The following SHOX variants were observed in gnomAD, a reference collection of about 807,000 sequenced individuals.
The protein encoded by SHOX is SHOX homeobox.
Under a neutral mutation model 29.6 loss-of-function variants are expected in SHOX, and 12 were observed. That is an observed-to-expected ratio of 0.41 (90% CI 0.26 to 0.66). The LOEUF (loss-of-function observed/expected upper bound fraction) is 0.66. SHOX is among the 30% of genes least tolerant of loss of function. SHOX has a pLI of 0.35. For missense variants in SHOX, 499 were observed against 437.7 expected (o/e 1.14, Z -1.25); for synonymous variants, 214 against 200.6 (o/e 1.07, Z -0.57).
In SHOX at chrX:644,331, G is replaced by T. The variant is rs2052924196; in HGVS notation, c.634-60G>T. The stretch of plus-strand genomic sequence containing the variant: ...CGTTGGAGGTTTCCGGGGGCGCGGG[G>T]CGGAGCAGGCCCCCCAGTCCCCATC... On this transcript the variant is annotated intron_variant, in intron 4 of 4. Coordinates refer to ENST00000686671, the MANE Select transcript of SHOX (RefSeq NM_000451.4). The T allele has an allele frequency of 2.0e-6, 3 of 1,466,002 alleles. No homozygotes were observed. The Admixed American group carries it at 7.5e-5, about 36-fold the overall frequency. The allele number at this position is 1,466,002 out of a possible 1,614,324, so 90.8% of individuals were successfully genotyped here. A position where few individuals can be genotyped will look rare whatever the true frequency, so the allele number is the denominator to read the frequency against.
At position 646,361 on chromosome X, in the gene SHOX, T is replaced by C. The variant is rs1168887656; in HGVS notation, c.*1725T>C. The C allele has an allele frequency of 2.6e-5, 4 of 152,064 alleles. No individual in the cohort carries two copies. The highest frequency in any genetic ancestry group is 4.4e-5 in the Non-Finnish European group (3 of 68,012). The allele number at this position is 152,064 out of a possible 1,614,324, so 9.4% of individuals were successfully genotyped here. A position where few individuals can be genotyped will look rare whatever the true frequency, so the allele number is the denominator to read the frequency against. ...CCTCCGAGAAGATCCATCTGCATGA[T>C]TGGCATTAGTTACCACAGCCTGCCC... On this transcript the variant is annotated 3_prime_UTR_variant, in exon 5 of 5. Coordinates refer to ENST00000686671, the MANE Select transcript of SHOX (RefSeq NM_000451.4).
downstream of SHOX, among the ~76,000 whole-genome samples, chrX:652,337 C>CA (rs1053198245): frequency 3.7e-5 from 4 of 108,136 alleles, no homozygotes; most frequent in African/African-American, 7.9e-5. Context: ...TTAAAAATGA[C>CA]AAATTTTTTT....
intron 3 of SHOX, 30 bp from the exon 4 acceptor site, chrX:640,969 C>G (rs775820893): frequency 2.5e-6 from 4 of 1,613,374 alleles, no homozygotes; most frequent in Non-Finnish European, 3.4e-6. Flanking sequence ...CCAGGACCAC[C>G]ACACTGACAC....
intron 1 of SHOX, among the ~76,000 whole-genome samples, chrX:633,768 C>G (rs1380159022): frequency 1.3e-5 from 2 of 152,090 alleles, no homozygotes; most frequent in South Asian, 2.1e-4. Flanking sequence ...GCCACTTCCA[C>G]CAGCCCTGGG....
chrX:635,354 G>C (rs1189312698), intron 2 of SHOX, among the ~76,000 whole-genome samples: 2 of 152,152 alleles, frequency 1.3e-5, no homozygotes, highest in Non-Finnish European at 1.5e-5. Context: ...CTTCCCGTGT[G>C]GCTGCATTGA....
chrX:644,263 C>T (rs1274875505), intron 4 of SHOX, 128 bp from the exon 5 acceptor site: 11 of 1,248,206 alleles, frequency 8.8e-6, no homozygotes, highest in Non-Finnish European at 1.2e-5. Context: ...GGGTGGTCTC[C>T]ACGGCTGGAG....
chrX:624,877 T>C (rs1292595162), intron 1 of SHOX, among the ~76,000 whole-genome samples: 4 of 72,868 alleles, frequency 5.5e-5, no homozygotes, highest in African/African-American at 3.9e-4. Flanking sequence ...TTTCTTTCTT[T>C]CTTTCTTTCT....
chrX:644,193 C>G (rs964109339), intron 4 of SHOX, 198 bp from the exon 5 acceptor site: 11 of 305,214 alleles, frequency 3.6e-5, no homozygotes, highest in Admixed American at 6.5e-5. Context: ...CCGGCTCCCG[C>G]GGATGCATCC....
upstream of SHOX, among the ~76,000 whole-genome samples, chrX:627,529 G>T (rs1423286656): frequency 6.6e-6 from 1 of 152,180 alleles, no homozygotes; most frequent in Non-Finnish European, 1.5e-5. Flanking sequence ...AGGAAAAGCG[G>T]GGTGTTGGAA....
At chrX:629,284 C>T (rs181979604), upstream of SHOX, among the ~76,000 whole-genome samples, 4,800 of 90,336 alleles carry the variant, frequency 0.053, 115 homozygotes, top group Middle Eastern at 0.13. Context: ...CATCTCTCTC[C>T]GTCTCTCCCT....
Position 640,808 on chromosome X carries a change from G to A in SHOX, c.487-13G>A. On this transcript the variant is annotated splice_polypyrimidine_tract_variant and intron_variant, in intron 2 of 4. Transcript: ENST00000686671. ...CACAGGGCTCTTCACATCTCTCTCT[G>A]CTTCTCCCCAAGGTTTGGTTCCAGA... 6.2e-7 allele frequency: 1 copy of A among 1,613,828 alleles called. No homozygotes were observed. Among genetic ancestry groups the A allele is most frequent in the Non-Finnish European group, 8.5e-7 (1 of 1,179,836 alleles).
chrX:639,630 G>A lies in SHOX; in HGVS notation c.487-1191G>A, dbSNP rs1209301418. The stretch of plus-strand genomic sequence containing the variant: ...TTCGACAGTCCACTTCCACTGGCTC[G>A]GAACTCACTTTTTCACCTTAAGTTC... On this transcript the variant is annotated intron_variant, in intron 2 of 4. Coordinates refer to ENST00000686671, the MANE Select transcript of SHOX (RefSeq NM_000451.4). Among the ~76,000 whole-genome samples the A allele has an allele frequency of 4.6e-5, 7 of 152,206 alleles. No individual in the cohort carries two copies. The South Asian group carries it at 1.0e-3, about 22-fold the overall frequency.
chrX:626,251 C>A (rs1294245476), upstream of SHOX, among the ~76,000 whole-genome samples: 97 of 145,782 alleles, frequency 6.7e-4, no homozygotes, highest in African/African-American at 2.4e-3. Flanking sequence ...TCTCTCTCTC[C>A]TCTCTCTCTG....
At chrX:629,151 TTC>T (rs1215279049), upstream of SHOX, among the ~76,000 whole-genome samples, 127 of 113,374 alleles carry the variant, frequency 1.1e-3, no homozygotes, top group Middle Eastern at 6.8e-3. Flanking sequence ...CCCTGTCTGT[TTC>T]TCTCTCTCCA....
intron 1 of SHOX, chrX:624,652 TCTTTC>T: frequency 1.3e-5 from 2 of 151,940 alleles, no homozygotes; most frequent in East Asian, 3.9e-4. Context: ...AGCTTTGCCT[TCTTTC>T]CTTTCTTCGT....
intron 1 of SHOX, among the ~76,000 whole-genome samples, chrX:633,075 T>C (rs985641272): frequency 2.2e-4 from 33 of 152,134 alleles, no homozygotes; most frequent in African/African-American, 7.7e-4. Context: ...CGTTACATTT[T>C]CCCCTTGGCT....
In SHOX at chrX:640,894, G is replaced by C. The variant is rs1569494649; in HGVS notation, c.544+16G>C. On this transcript the variant is annotated intron_variant, in intron 3 of 4. Transcript: ENST00000686671. ...ATGCATAAAGGTGGGTGTCGGGACT[G>C]GGGGGACCTGAAGCTGGGGGATCCT... 3 of 1,613,772 alleles carry C rather than the reference G, an allele frequency of 1.9e-6. No homozygotes were observed. The highest frequency in any genetic ancestry group is 2.5e-6 in the Non-Finnish European group (3 of 1,179,738).
intron 2 of SHOX, 94 bp downstream of exon 2, chrX:634,920 C>T (rs1322796925): frequency 7.5e-7 from 1 of 1,335,714 alleles, no homozygotes. Context: ...CCCGGGCCGC[C>T]GCCGTCCCCT....
At chrX:634,268 T>C (rs1346144890) in intron 1 of SHOX, among the ~76,000 whole-genome samples, 1 of 152,094 alleles carries the variant, frequency 6.6e-6, no homozygotes, top group Non-Finnish European at 1.5e-5. Context: ...ATCCCACAGT[T>C]GGCAGCTCTT....
Sources: allele counts gnomAD v4.1 joint callset (sites outside exome capture counted in the v4.1 genomes callset), GRCh38; gene constraint gnomAD v4.1.1; transcripts MANE v1.5; gene names NCBI Gene and HGNC (gene_info 2026-07-23, HGNC 2026-07-21).